Variants in CSMD1 observed in about 807,000 individuals in gnomAD.
CSMD1 encodes the protein CUB and Sushi multiple domains 1.
Under a neutral mutation model 417.5 loss-of-function variants are expected in CSMD1, and 213 were observed. The ratio of observed to expected loss-of-function variants is 0.51; its 90% CI spans 0.46 to 0.57. The LOEUF is 0.57. Among genes scored for constraint, CSMD1 ranks in the 20% least tolerant of loss-of-function variants. The pLI is 0.00. For missense variants in CSMD1, 6,923 were observed against 4,529.7 expected (o/e 1.53, Z -15.17); for synonymous variants, 2,862 against 1,736.8 (o/e 1.65, Z -16.11).
chr8:4,628,485 G>T (rs1802266088), intron 2 of CSMD1, among the ~76,000 whole-genome samples: 1 of 146,862 alleles, frequency 6.8e-6, no homozygotes. Context: ...TATACACACA[G>T]TATCAGTATA....
At chr8:4,787,653 G>A in intron 1 of CSMD1, 1 of 1,587,104 alleles carries the variant, frequency 6.3e-7, no homozygotes, top group South Asian at 1.1e-5. Flanking sequence ...AGAAATCCTG[G>A]TGTCAAGGAA....
At chr8:3,999,980 A>T (rs2130355532) in intron 4 of CSMD1, among the ~76,000 whole-genome samples, 1 of 152,368 alleles carries the variant, frequency 6.6e-6, no homozygotes, top group East Asian at 1.9e-4. Flanking sequence ...AAATTATGCT[A>T]CCACGGTAGT....
At position 3,407,975 on chromosome 8, in the gene CSMD1, G is replaced by T; in HGVS notation, c.1995C>A (p.Ser665Arg). The T allele has an allele frequency of 6.2e-7, 1 of 1,613,814 alleles. No individual in the cohort carries two copies. ...SGNEVPSQLASSGHIVRLEFQ... is the reference protein window; with the variant it reads ...SGNEVPSQLARSGHIVRLEFQ... ...ATTCCAAGCGAACTATATGCCCACT[G>T]CTGGCCAGCTGGGAAGGCACTTCAT... The change falls in exon 14 of 70, where the codon AGC (serine) becomes AGA (arginine). Residue 665 changes from serine to arginine, a missense_variant. Transcript: ENST00000635120.
chr8:3,575,548 G>GGA (rs1800116085), intron 9 of CSMD1, among the ~76,000 whole-genome samples: 1 of 152,098 alleles, frequency 6.6e-6, no homozygotes, highest in African/African-American at 2.4e-5. Flanking sequence ...CCAATAAATT[G>GGA]TGTCTTTTCA....
chr8:3,022,064 C>A (rs1327918689), intron 51 of CSMD1, among the ~76,000 whole-genome samples: 4 of 145,920 alleles, frequency 2.7e-5, no homozygotes, highest in Admixed American at 6.8e-5. Flanking sequence ...GGAATGCACC[C>A]GCAATCCCAC....
At chr8:4,558,114 G>C (rs1404902182) in intron 2 of CSMD1, among the ~76,000 whole-genome samples, 1 of 151,658 alleles carries the variant, frequency 6.6e-6, no homozygotes, top group East Asian at 1.9e-4. Context: ...AAATGGCCAA[G>C]GCACCCAGGA....
At chr8:3,545,176 C>T (rs940423668) in intron 10 of CSMD1, among the ~76,000 whole-genome samples, 14 of 152,172 alleles carry the variant, frequency 9.2e-5, no homozygotes, top group African/African-American at 2.9e-4. Flanking sequence ...GGACTCTACA[C>T]TTAGCAAAGA....
intron 1 of CSMD1, among the ~76,000 whole-genome samples, chr8:4,965,965 G>A (rs1225806673): frequency 6.6e-6 from 1 of 152,148 alleles, no homozygotes; most frequent in Non-Finnish European, 1.5e-5. Context: ...CATAACTCAA[G>A]TTTACACCTT....
chr8:4,474,509 A>G (rs1008145775), intron 2 of CSMD1, among the ~76,000 whole-genome samples: 1 of 152,332 alleles, frequency 6.6e-6, no homozygotes, highest in East Asian at 1.9e-4. Flanking sequence ...CTTAGAGAGC[A>G]GATTAGTACA....
intron 1 of CSMD1, among the ~76,000 whole-genome samples, chr8:4,745,787 A>G (rs1241315235): frequency 6.6e-6 from 1 of 152,176 alleles, no homozygotes; most frequent in Non-Finnish European, 1.5e-5. Context: ...TTGAACTTCT[A>G]CCACAAGTAC....
intron 3 of CSMD1, among the ~76,000 whole-genome samples, chr8:4,046,873 G>C (rs371706743): frequency 6.6e-6 from 1 of 152,132 alleles, no homozygotes; most frequent in African/African-American, 2.4e-5. Flanking sequence ...GAGCCCCACA[G>C]AGAATGTGAC....
intron 5 of CSMD1, among the ~76,000 whole-genome samples, chr8:3,826,380 G>C (rs528506506): frequency 1.3e-5 from 2 of 152,242 alleles, no homozygotes; most frequent in Admixed American, 6.5e-5. Context: ...AATTCTGGGA[G>C]AGTTCCCAAG....
chr8:3,390,064 C>T (rs1240270056), intron 17 of CSMD1, among the ~76,000 whole-genome samples: 1 of 152,022 alleles, frequency 6.6e-6, no homozygotes. Context: ...GAAAGAACAT[C>T]TGGAATTTGG....
intron 2 of CSMD1, among the ~76,000 whole-genome samples, chr8:4,571,989 T>A (rs1055783139): frequency 1.3e-5 from 2 of 152,230 alleles, no homozygotes; most frequent in Non-Finnish European, 2.9e-5. Flanking sequence ...TATTCCCCCA[T>A]CCCTTTATTT....
At chr8:3,777,830 C>T (rs1584983315) in intron 5 of CSMD1, among the ~76,000 whole-genome samples, 1 of 150,428 alleles carries the variant, frequency 6.6e-6, no homozygotes. Flanking sequence ...TCCAGACCCG[C>T]AGCCTCCTTG....
intron 52 of CSMD1, among the ~76,000 whole-genome samples, chr8:3,001,409 G>T (rs1281995853): frequency 6.6e-6 from 1 of 151,852 alleles, no homozygotes; most frequent in Non-Finnish European, 1.5e-5. Context: ...ATATGGAAAG[G>T]GTATTCTTAT....
chr8:2,966,851 T>C lies in CSMD1; in HGVS notation c.8924-105A>G. 3 of 1,031,730 alleles carry C rather than the reference T, an allele frequency of 2.9e-6. No individual in the cohort carries two copies. The South Asian group carries it at 4.7e-5, about 16-fold the overall frequency. The allele number at this position is 1,031,730 out of a possible 1,614,324, so 63.9% of individuals were successfully genotyped here. ...TCAGTGCAATAGACTACACATTTAT[T>C]ACAAACCCAAAGCACACAATCCTAT... On this transcript the variant is annotated intron_variant, in intron 57 of 69. Transcript: ENST00000635120.
At chr8:4,311,506 T>C (rs1285697517) in intron 3 of CSMD1, among the ~76,000 whole-genome samples, 1 of 152,122 alleles carries the variant, frequency 6.6e-6, no homozygotes. Flanking sequence ...GCAGATCACC[T>C]GAGATCAGGA....
chr8:3,837,964 A>C (rs144825708), intron 5 of CSMD1, among the ~76,000 whole-genome samples: 5 of 152,100 alleles, frequency 3.3e-5, no homozygotes, highest in African/African-American at 1.2e-4. Context: ...CTTATTTTTC[A>C]TGAGTTGAAA....
Sources: gnomAD v4.1 joint callset for allele counts (sites outside exome capture counted in the v4.1 genomes callset) on GRCh38, gnomAD v4.1.1 for gene constraint, MANE v1.5 for transcripts, NCBI Gene and HGNC (gene_info 2026-07-23, HGNC 2026-07-21) for gene names.